Variants in PKHD1 observed in about 807,000 individuals in gnomAD.
PKHD1 encodes the protein PKHD1 ciliary IPT domain containing fibrocystin/polyductin.
PKHD1 carries 291 observed loss-of-function variants against 412.0 expected under a neutral mutation model. The ratio of observed to expected loss-of-function variants is 0.71; its 90% CI spans 0.64 to 0.78. The LOEUF (loss-of-function observed/expected upper bound fraction) is 0.78. PKHD1 is among the 30% of genes least tolerant of loss of function. PKHD1 has a pLI of 0.00. For missense variants in PKHD1, 4,825 were observed against 4,950.7 expected, an observed-to-expected ratio of 0.97 and a Z score of 0.76; for synonymous variants, 1,777 against 1,821.5, an observed-to-expected ratio of 0.98 and a Z score of 0.62.
intron 55 of PKHD1, among the ~76,000 whole-genome samples, chr6:51,755,169 C>T (rs1397596942): frequency 6.6e-6 from 1 of 152,052 alleles, no homozygotes; most frequent in Admixed American, 6.6e-5. Flanking sequence ...TGAAGATATT[C>T]GATGACCCCT....
At chr6:51,883,060 G>C in intron 46 of PKHD1, 33 bp downstream of exon 46, 1 of 1,590,648 alleles carries the variant, frequency 6.3e-7, no homozygotes, top group Non-Finnish European at 8.6e-7. Context: ...TGTTGTGATT[G>C]ACAGCCTAAA....
chr6:51,925,407 C>T (rs867312070), intron 37 of PKHD1, among the ~76,000 whole-genome samples: 3 of 151,316 alleles, frequency 2.0e-5, no homozygotes, highest in Non-Finnish European at 4.4e-5. Context: ...TATGGGGTAC[C>T]CACAACTTTA....
chr6:52,053,191 C>T lies in PKHD1; in HGVS notation c.2025G>A (p.Gln675=). The T allele has an allele frequency of 6.2e-7, 1 of 1,614,176 alleles. No homozygotes were observed. Among genetic ancestry groups the T allele is most frequent in the Non-Finnish European group, 8.5e-7 (1 of 1,180,004 alleles). ...ETCVRCFGDL[Q]PPPANSPVLV... is the part of the protein sequence containing the mutation. ...GCACTGGGGAGTTTGCCGGAGGGGG[C>T]TGGAGATCCCCGAAGCAACGCACAC... is the stretch of plus-strand genomic sequence containing the variant. Residue 675 remains glutamine (Q), a synonymous_variant, in exon 21 of 67, where the codon CAG becomes CAA. Coordinates refer to ENST00000371117, the MANE Select transcript of PKHD1 (RefSeq NM_138694.4).
At chr6:51,890,617 A>G (rs1778957363) in intron 43 of PKHD1, among the ~76,000 whole-genome samples, 1 of 152,068 alleles carries the variant, frequency 6.6e-6, no homozygotes, top group South Asian at 2.1e-4. Flanking sequence ...TCTGGAGAGC[A>G]TCTTGCAGGC....
At position 51,617,929 on chromosome 6, in the gene PKHD1, T is replaced by C. The variant is rs899689049; in HGVS notation, c.*1152A>G. 1 of 150,936 alleles carries C rather than the reference T, an allele frequency of 6.6e-6. No individual in the cohort carries two copies. The highest frequency in any genetic ancestry group is 2.5e-5 in the African/African-American group (1 of 40,278). The allele number at this position is 150,936 out of a possible 1,614,324, so 9.3% of individuals were successfully genotyped here. ...GGAAAATCTGAGAGCAATCTCTTTTTGGAAGCTCTCCACATTCCTGCGATC... is the reference window on the plus strand; with the variant it reads ...GGAAAATCTGAGAGCAATCTCTTTTCGGAAGCTCTCCACATTCCTGCGATC... On this transcript the variant is annotated 3_prime_UTR_variant, in exon 67 of 67. Transcript: ENST00000371117.
intron 35 of PKHD1, among the ~76,000 whole-genome samples, chr6:51,979,671 C>T (rs1408769166): frequency 6.6e-6 from 1 of 150,992 alleles, no homozygotes; most frequent in East Asian, 2.0e-4. Flanking sequence ...GACTCCAGTG[C>T]CTAGAGAACA....
chr6:51,880,673 A>G (rs1283907844), intron 46 of PKHD1, among the ~76,000 whole-genome samples: 1 of 37,324 alleles, frequency 2.7e-5, no homozygotes, highest in Non-Finnish European at 4.3e-5. Flanking sequence ...GCTAGATGAC[A>G]CGTTAGTGGG....
intron 35 of PKHD1, among the ~76,000 whole-genome samples, chr6:52,008,518 G>A (rs1799374965): frequency 6.6e-6 from 1 of 152,082 alleles, no homozygotes; most frequent in Non-Finnish European, 1.5e-5. Flanking sequence ...AATGAGTGAG[G>A]CATTTAAGCC....
intron 36 of PKHD1, among the ~76,000 whole-genome samples, chr6:51,935,264 T>A (rs1242410620): frequency 6.6e-6 from 1 of 152,234 alleles, no homozygotes; most frequent in Non-Finnish European, 1.5e-5. Context: ...AACACAAGAA[T>A]ATTCGTTTAT....
At chr6:51,812,124 C>A (rs6906626) in intron 52 of PKHD1, among the ~76,000 whole-genome samples, 23,048 of 152,022 alleles carry the variant, frequency 0.15, 2,249 homozygotes, top group African/African-American at 0.28. Context: ...CCGCTCGGTC[C>A]CTTTGTAGCT....
At chr6:51,813,782 T>A (rs1289601145) in intron 52 of PKHD1, among the ~76,000 whole-genome samples, 5 of 151,864 alleles carry the variant, frequency 3.3e-5, no homozygotes, top group Non-Finnish European at 7.4e-5. Flanking sequence ...GTTAAAGTTT[T>A]CCTCTCTGGG....
At chr6:51,717,362 A>C (rs1781401055) in intron 60 of PKHD1, among the ~76,000 whole-genome samples, 1 of 151,866 alleles carries the variant, frequency 6.6e-6, no homozygotes, top group East Asian at 1.9e-4. Flanking sequence ...CAGTGAGCTG[A>C]GATCATGCCA....
At chr6:52,021,196 C>T (rs374881033) in intron 33 of PKHD1, among the ~76,000 whole-genome samples, 95 of 152,282 alleles carry the variant, frequency 6.2e-4, no homozygotes, top group African/African-American at 2.2e-3. Flanking sequence ...GTTACAGTTT[C>T]CAACTAATTT....
At chr6:51,710,673 T>C (rs1444705579) in intron 60 of PKHD1, among the ~76,000 whole-genome samples, 1 of 152,174 alleles carries the variant, frequency 6.6e-6, no homozygotes, top group Non-Finnish European at 1.5e-5. Context: ...TGAATATGTG[T>C]TGAATATACA....
intron 60 of PKHD1, among the ~76,000 whole-genome samples, chr6:51,738,970 A>G (rs573342651): frequency 4.6e-4 from 70 of 150,632 alleles, no homozygotes; most frequent in Admixed American, 2.9e-3. Context: ...CCAAAACACT[A>G]TTGTATTTTT....
intron 52 of PKHD1, among the ~76,000 whole-genome samples, chr6:51,819,546 T>C (rs1191360123): frequency 2.6e-5 from 4 of 152,126 alleles, no homozygotes; most frequent in Admixed American, 2.6e-4. Context: ...ATGTTTCCTA[T>C]AGCACATTTG....
intron 60 of PKHD1, among the ~76,000 whole-genome samples, chr6:51,695,462 G>C (rs1293773428): frequency 6.6e-6 from 1 of 152,044 alleles, no homozygotes; most frequent in Non-Finnish European, 1.5e-5. Flanking sequence ...AAGAAGAGGA[G>C]GAAGAAGAAG....
chr6:51,909,614 T>G, intron 39 of PKHD1, 140 bp from the exon 40 acceptor site: 2 of 691,270 alleles, frequency 2.9e-6, no homozygotes, highest in Non-Finnish European at 5.2e-6. Context: ...TTTCCCCTTT[T>G]CTTTGATTCT....
intron 52 of PKHD1, among the ~76,000 whole-genome samples, chr6:51,794,303 T>C (rs1195673467): frequency 6.6e-6 from 1 of 152,112 alleles, no homozygotes; most frequent in Non-Finnish European, 1.5e-5. Flanking sequence ...CTTTTTTTCA[T>C]ATGTCTGTTG....
Sources: allele counts gnomAD v4.1 joint callset (sites outside exome capture counted in the v4.1 genomes callset), GRCh38; gene constraint gnomAD v4.1.1; transcripts MANE v1.5; gene names NCBI Gene and HGNC (gene_info 2026-07-23, HGNC 2026-07-21).